The following RPS27L variants were observed in gnomAD, a reference collection of about 807,000 sequenced individuals.
The protein encoded by RPS27L is ribosomal protein S27 like, also known as ribosomal protein eS27-like.
A neutral mutation model predicts 12.8 loss-of-function variants in RPS27L; 10 were observed. That is an observed-to-expected ratio of 0.78 (90% confidence interval 0.48 to 1.33). RPS27L has a LOEUF of 1.33. Among genes scored for constraint, RPS27L ranks in the 40% most tolerant of loss-of-function variants. RPS27L has a pLI of 0.00. For missense variants in RPS27L, 81 were observed against 97.4 expected (o/e 0.83, Z 0.71); for synonymous variants, 26 against 32.3 (o/e 0.81, Z 0.66).
chr15:63,157,252 C>T, intron 1 of RPS27L, 148 bp downstream of exon 1: 2 of 892,504 alleles, frequency 2.2e-6, no homozygotes, highest in South Asian at 2.8e-5. Flanking sequence ...TCACTACATG[C>T]CCGCCACGCG....
intron 3 of RPS27L, 33 bp from the exon 4 acceptor site, chr15:63,154,093 G>A: frequency 1.3e-6 from 2 of 1,563,454 alleles, no homozygotes; most frequent in Non-Finnish European, 1.8e-6. Flanking sequence ...TATTAAACAA[G>A]TGCATTCTAC....
rs1245640696 is a variant in RPS27L, at chr15:63,153,302, A to C, written c.*730T>G. ...TCCTAAATTATATAGTAGTATAGCA[A>C]GGCCACATAAATCCAAGGCATTACA... On this transcript the variant is annotated 3_prime_UTR_variant, in exon 4 of 4. Coordinates refer to ENST00000330964, the MANE Select transcript of RPS27L (RefSeq NM_015920.4). 6.6e-6 allele frequency: 1 copy of C among 152,240 alleles called. No homozygotes were observed. The highest frequency in any genetic ancestry group is 1.9e-4 in the East Asian group (1 of 5,200). The allele number at this position is 152,240 out of a possible 1,614,324, so 9.4% of individuals were successfully genotyped here.
chr15:63,157,441 C>G lies in RPS27L; in HGVS notation c.-36G>C, dbSNP rs769050046. The G allele has an allele frequency of 2.5e-6, 4 of 1,613,438 alleles. No homozygotes were observed. The highest frequency in any genetic ancestry group is 2.2e-5 in the South Asian group (2 of 91,082). ...TTGCAAGCTCAGCCCTACCAGACCT[C>G]CCAGCCCACACAGCTAGCAAGCTGC... On this transcript the variant is annotated 5_prime_UTR_variant, in exon 1 of 4. Transcript: ENST00000330964.
At chr15:63,155,521 T>C (rs2037326323) in intron 3 of RPS27L, 100 bp downstream of exon 3, 1 of 733,294 alleles carries the variant, frequency 1.4e-6, no homozygotes, top group Admixed American at 2.6e-5. Context: ...AGATAAGTTA[T>C]TTTGGTAATC....
chr15:63,157,433 C>A lies in RPS27L; in HGVS notation c.-28G>T. On this transcript the variant is annotated 5_prime_UTR_variant, in exon 1 of 4. Transcript: ENST00000330964. ...TGATCCTCTTGCAAGCTCAGCCCTA[C>A]CAGACCTCCCAGCCCACACAGCTAG... 5 of 1,613,812 alleles carry A rather than the reference C, an allele frequency of 3.1e-6. No individual in the cohort carries two copies. Among genetic ancestry groups the A allele is most frequent in the Non-Finnish European group, 4.2e-6 (5 of 1,179,686 alleles).
chr15:63,155,630 G>A lies in RPS27L; in HGVS notation c.217C>T (p.Leu73Phe). ...LCQPTGGKAR[L>F]TEGCSFRRKQ... ...ATGCCAAATGATATACCTTCTGTGA[G>A]TCTGGCCTTTCCTCCTGTAGGCTGG... Residue 73 changes from leucine to phenylalanine, a missense_variant, in exon 3 of 4, where the codon CTC (leucine) becomes TTC (phenylalanine). Coordinates refer to ENST00000330964, the MANE Select transcript of RPS27L (RefSeq NM_015920.4). 1.3e-6 allele frequency: 2 copies of A among 1,587,798 alleles called. No individual in the cohort carries two copies. The highest frequency in any genetic ancestry group is 1.7e-6 in the Non-Finnish European group (2 of 1,164,478).
chr15:63,157,169 C>T, intron 1 of RPS27L: 1 of 595,978 alleles, frequency 1.7e-6, no homozygotes, highest in Non-Finnish European at 3.0e-6. Flanking sequence ...AGAACTGTTC[C>T]CCTCCCAGCC....
At chr15:63,156,907 G>C in intron 1 of RPS27L, 1 of 398,430 alleles carries the variant, frequency 2.5e-6, no homozygotes, top group Non-Finnish European at 4.4e-6. Context: ...CAACGTCAGC[G>C]CCTGGGTGAT....
rs1024436070 is a variant in RPS27L at position 63,153,795 on chromosome 15, C to A, written c.*237G>T. On this transcript the variant is annotated 3_prime_UTR_variant, in exon 4 of 4. Coordinates refer to ENST00000330964, the MANE Select transcript of RPS27L (RefSeq NM_015920.4). ...AATGTTTAAACCAAATTCATATACA[C>A]CATATATATAAATGTATGGCATACT... 2 of 484,214 alleles carry A rather than the reference C, an allele frequency of 4.1e-6. No individual in the cohort carries two copies. Among genetic ancestry groups the A allele is most frequent in the Non-Finnish European group, 7.2e-6 (2 of 276,514 alleles). 30.0% of individuals were successfully genotyped at this position (484,214 alleles called of 1,614,324 possible).
chr15:63,154,927 A>G (rs1047928969), intron 3 of RPS27L: 1 of 152,088 alleles, frequency 6.6e-6, no homozygotes, highest in East Asian at 1.9e-4. Context: ...AAAAACTATT[A>G]TATGTACTAA....
At position 63,150,569 on chromosome 15, in the gene RPS27L, C is replaced by T. The variant is rs1278507979; in HGVS notation, c.*3463G>A. The T allele has an allele frequency of 6.6e-6, 1 of 152,184 alleles. No individual in the cohort carries two copies. The highest frequency in any genetic ancestry group is 1.5e-5 in the Non-Finnish European group (1 of 68,034). The allele number at this position is 152,184 out of a possible 1,614,324, so 9.4% of individuals were successfully genotyped here. A position where few individuals can be genotyped will look rare whatever the true frequency, so the allele number is the denominator to read the frequency against. ...AATTAGAGCTTTATCAGATGACTTA[C>T]AGGAACGACCAGACACAAAACCATT... is the stretch of plus-strand genomic sequence containing the variant. On this transcript the variant is annotated 3_prime_UTR_variant, in exon 4 of 4. Coordinates refer to ENST00000330964, the MANE Select transcript of RPS27L (RefSeq NM_015920.4).
intron 1 of RPS27L, 44 bp downstream of exon 1, chr15:63,157,355 TA>T: frequency 1.2e-6 from 2 of 1,612,000 alleles, no homozygotes; most frequent in Non-Finnish European, 1.7e-6. Context: ...TGACTCTCGG[TA>T]AAGAAGCCCA....
Position 63,150,699 on chromosome 15 carries a change from G to A in RPS27L, c.*3333C>T, listed in dbSNP as rs1043368073. 6.6e-6 allele frequency: 1 copy of A among 152,214 alleles called. No homozygotes were observed. Among genetic ancestry groups the A allele is most frequent in the Non-Finnish European group, 1.5e-5 (1 of 68,078 alleles). The allele number at this position is 152,214 out of a possible 1,614,324, so 9.4% of individuals were successfully genotyped here. A position where few individuals can be genotyped will look rare whatever the true frequency, so the allele number is the denominator to read the frequency against. On this transcript the variant is annotated 3_prime_UTR_variant, in exon 4 of 4. Coordinates refer to ENST00000330964, the MANE Select transcript of RPS27L (RefSeq NM_015920.4). ...TCTGTCACCCAGGCTGGAGTGCAGAGGCGTGATCTTGGCTCACTGCAAGCT... is the reference window on the plus strand; with the variant it reads ...TCTGTCACCCAGGCTGGAGTGCAGAAGCGTGATCTTGGCTCACTGCAAGCT...
At chr15:63,154,085 T>C (rs984504639) in intron 3 of RPS27L, 25 bp from the exon 4 acceptor site, 1 of 1,588,962 alleles carries the variant, frequency 6.3e-7, no homozygotes, top group Non-Finnish European at 8.6e-7. Context: ...TGAGAGTATA[T>C]TAAACAAGTG....
intron 2 of RPS27L, among the ~76,000 whole-genome samples, chr15:63,156,059 CA>C (rs1277767797): frequency 1.3e-5 from 2 of 152,158 alleles, no homozygotes; most frequent in Non-Finnish European, 2.9e-5. Flanking sequence ...TGATTATCCA[CA>C]AGTGCTCAGT....
Position 63,149,747 on chromosome 15 carries a change from A to C in RPS27L, c.*4285T>G, listed in dbSNP as rs987605301. The C allele has an allele frequency of 6.6e-6, 1 of 152,128 alleles. No individual in the cohort carries two copies. The highest frequency in any genetic ancestry group is 2.4e-5 in the African/African-American group (1 of 41,436). The allele number at this position is 152,128 out of a possible 1,614,324, so 9.4% of individuals were successfully genotyped here. ...AGAACCTACGAATATGTTACCTTAC[A>C]TAGCAAAATGGATTTTGCAGATGTC... On this transcript the variant is annotated 3_prime_UTR_variant, in exon 4 of 4. Coordinates refer to ENST00000330964, the MANE Select transcript of RPS27L (RefSeq NM_015920.4).
At position 63,155,691 on chromosome 15, in the gene RPS27L, T is replaced by A. The variant is rs372491634; in HGVS notation, c.156A>T (p.Thr52=). 7.2e-5 allele frequency: 113 copies of A among 1,558,928 alleles called. No individual in the cohort carries two copies. The African/African-American group carries it at 1.4e-3, about 19-fold the overall frequency. Residue 52 remains threonine, a synonymous_variant, in exon 3 of 4, where the codon ACA becomes ACT. Coordinates refer to ENST00000330964, the MANE Select transcript of RPS27L (RefSeq NM_015920.4). Reference sequence around the variant, plus strand: ...TTGAACAACCTACACAAAGAACCACTGTCTGAGCATGGCTGAAAACCGTGG... The same window carrying A: ...TTGAACAACCTACACAAAGAACCACAGTCTGAGCATGGCTGAAAACCGTGG... The part of the protein sequence containing the change: ...KITTVFSHAQ[T]VVLCVGCSTV...
rs1555417738 is a variant in RPS27L at position 63,149,581 on chromosome 15, A to AAAAAG, written c.*4450_*4451insCTTTT. ...GACTCCGTCTCAAAAAAAAAAAAAAAAAAGAAAGAAAAAGAAAAAAGAGAA... is the reference window on the plus strand; with the variant it reads ...GACTCCGTCTCAAAAAAAAAAAAAAAAAAAGAAAGAAAGAAAAAGAAAAAAGAGAA... On this transcript the variant is annotated 3_prime_UTR_variant, in exon 4 of 4. Transcript: ENST00000330964. The AAAAAG allele has an allele frequency of 1.3e-5, 1 of 76,992 alleles. No homozygotes were observed. Among genetic ancestry groups the AAAAAG allele is most frequent in the East Asian group, 2.3e-4 (1 of 4,354 alleles). 4.8% of individuals were successfully genotyped at this position (76,992 alleles called of 1,614,324 possible).
Position 63,149,581 on chromosome 15 carries a change from A to AT in RPS27L, c.*4450_*4451insA, listed in dbSNP as rs34888095. On this transcript the variant is annotated 3_prime_UTR_variant, in exon 4 of 4. Coordinates refer to ENST00000330964, the MANE Select transcript of RPS27L (RefSeq NM_015920.4). ...GACTCCGTCTCAAAAAAAAAAAAAA[A>AT]AAAGAAAGAAAAAGAAAAAAGAGAA... The AT allele has an allele frequency of 3.9e-5, 3 of 76,992 alleles. No homozygotes were observed. The highest frequency in any genetic ancestry group is 3.5e-4 in the Admixed American group (3 of 8,690). 4.8% of individuals were successfully genotyped at this position (76,992 alleles called of 1,614,324 possible).
Sources: gnomAD v4.1 joint callset for allele counts (sites outside exome capture counted in the v4.1 genomes callset) on GRCh38, gnomAD v4.1.1 for gene constraint, MANE v1.5 for transcripts, NCBI Gene and HGNC (gene_info 2026-07-23, HGNC 2026-07-21) for gene names.